ARHGAP11B: variants seen among roughly 807,000 people sequenced by gnomAD.
ARHGAP11B encodes inactive Rho GTPase-activating protein 11B.
ARHGAP11B carries 14 observed loss-of-function variants against 27.6 expected under a neutral mutation model. The observed-to-expected ratio is 0.51, with a 90% CI of 0.34 to 0.79. ARHGAP11B has a LOEUF of 0.79. ARHGAP11B is among the 30% of genes least tolerant of loss of function. ARHGAP11B has a pLI of 0.02. For synonymous variants in ARHGAP11B, 82 were observed against 114.1 expected (o/e 0.72, Z 1.80); for missense variants, 245 against 320.1 (o/e 0.77, Z 1.79).
At chr15:30,640,016 T>TG (rs2060306143) in intron 7 of ARHGAP11B, among the ~76,000 whole-genome samples, 1 of 131,244 alleles carries the variant, frequency 7.6e-6, no homozygotes, top group Admixed American at 7.5e-5. Flanking sequence ...GTGTGTGTTA[T>TG]GACAACATCT....
chr15:30,643,565 C>T (rs1030065882), intron 7 of ARHGAP11B, among the ~76,000 whole-genome samples: 5 of 152,052 alleles, frequency 3.3e-5, no homozygotes, highest in African/African-American at 9.7e-5. Context: ...GCGTGAGCCA[C>T]GGCACCTGGC....
rs999051860 is a variant in ARHGAP11B, at chr15:30,631,808, CAG to C, written c.200+1038_200+1039del. 1.4e-4 allele frequency among the ~76,000 whole-genome samples: 11 copies of C among 78,436 alleles called. No individual in the cohort carries two copies. In the South Asian group the frequency reaches 1.8e-3, roughly 13 times the overall value. The allele number at this position is 78,436 out of a possible 152,430, so 51.5% of individuals were successfully genotyped here. A position where few individuals can be genotyped will look rare whatever the true frequency, so the allele number is the denominator to read the frequency against. On this transcript the variant is annotated intron_variant, in intron 2 of 10. Coordinates refer to ENST00000428041, the Ensembl canonical transcript of ARHGAP11B. ...TGTTCTTTTTTTTTTTTTTTTGAGACAGAGTTTCGCTCTTGTCGCCCAGGCTG... is the reference window on the plus strand; with the variant it reads ...TGTTCTTTTTTTTTTTTTTTTGAGACAGTTTCGCTCTTGTCGCCCAGGCTG...
At chr15:30,634,766 C>T (rs1397153459) in intron 4 of ARHGAP11B, among the ~76,000 whole-genome samples, 1 of 151,118 alleles carries the variant, frequency 6.6e-6, no homozygotes, top group East Asian at 2.0e-4. Flanking sequence ...TTATTCTAGA[C>T]ATACTTGCTG....
chr15:30,629,683 A>G (rs2060232493), intron 1 of ARHGAP11B, among the ~76,000 whole-genome samples: 1 of 152,050 alleles, frequency 6.6e-6, no homozygotes, highest in Non-Finnish European at 1.5e-5. Context: ...GAATTAGTAA[A>G]ATTTTGTTAC....
At chr15:30,647,933 G>A (rs116882449) in intron 10 of ARHGAP11B, among the ~76,000 whole-genome samples, 4,209 of 151,902 alleles carry the variant, frequency 0.028, 105 homozygotes, top group Middle Eastern at 0.054. Context: ...GATTATCTAA[G>A]CTACTCCTGG....
intron 7 of ARHGAP11B, among the ~76,000 whole-genome samples, chr15:30,643,280 C>CTTT (rs796664136): frequency 7.5e-6 from 1 of 133,946 alleles, no homozygotes; most frequent in Non-Finnish European, 1.6e-5. Flanking sequence ...TGACAGTTTT[C>CTTT]TTTTTTTTTT....
chr15:30,647,614 G>A (rs1017123780), intron 9 of ARHGAP11B: 2 of 170,618 alleles, frequency 1.2e-5, no homozygotes, highest in African/African-American at 4.8e-5. Context: ...TCTGTGTTGT[G>A]TGAGTTAAAT....
chr15:30,633,050 A>G (rs2060255485), intron 2 of ARHGAP11B, among the ~76,000 whole-genome samples: 1 of 150,070 alleles, frequency 6.7e-6, no homozygotes, highest in African/African-American at 2.5e-5. Flanking sequence ...ATGGTGATAG[A>G]TCGAGCAATA....
chr15:30,642,386 A>G (rs1017178384), intron 7 of ARHGAP11B, among the ~76,000 whole-genome samples: 1 of 151,920 alleles, frequency 6.6e-6, no homozygotes, highest in African/African-American at 2.4e-5. Flanking sequence ...TGTACCAGTA[A>G]TTATTTGCAT....
Position 30,633,489 on chromosome 15 carries a change from G to C in ARHGAP11B, c.201-1G>C, listed in dbSNP as rs200454894. ...GCCACCTGAAAAAATCTCTCTTTCAGCTTTCTTGTCGATGCTTGCACATCT... is the reference window on the plus strand; with the variant it reads ...GCCACCTGAAAAAATCTCTCTTTCACCTTTCTTGTCGATGCTTGCACATCT... On this transcript the variant is annotated splice_acceptor_variant, in intron 2 of 10. Coordinates refer to ENST00000428041, the Ensembl canonical transcript of ARHGAP11B. LOFTEE classifies it high-confidence loss of function. The C allele has an allele frequency of 7.1e-5, 115 of 1,608,560 alleles. 2 individuals are homozygous for C. The East Asian group carries it at 7.8e-4, about 11-fold the overall frequency.
chr15:30,631,752 C>T (rs1247470063), intron 2 of ARHGAP11B, among the ~76,000 whole-genome samples: 4 of 151,702 alleles, frequency 2.6e-5, no homozygotes, highest in South Asian at 2.1e-4. Context: ...CTTAGCTTTT[C>T]TATGCCACTT....
chr15:30,644,710 C>G, intron 8 of ARHGAP11B: 1 of 1,548,522 alleles, frequency 6.5e-7, no homozygotes, highest in South Asian at 1.1e-5. Context: ...CAGGTAGGAT[C>G]ATAAAGGACT....
chr15:30,642,004 C>T (rs1034362694), intron 7 of ARHGAP11B, among the ~76,000 whole-genome samples: 10 of 152,040 alleles, frequency 6.6e-5, no homozygotes, highest in Non-Finnish European at 1.5e-5. Context: ...ACGTGAGCCA[C>T]GGTGCCTGGC....
intron 1 of ARHGAP11B, among the ~76,000 whole-genome samples, chr15:30,627,514 T>C (rs2060217645): frequency 6.6e-6 from 1 of 152,032 alleles, no homozygotes; most frequent in South Asian, 2.1e-4. Context: ...GCATATTCAC[T>C]AATTTGGGAA....
exon 11 of ARHGAP11B, among the ~76,000 whole-genome samples, chr15:30,648,356 G>T (rs1423410173): frequency 6.6e-6 from 1 of 151,986 alleles, no homozygotes; most frequent in African/African-American, 2.4e-5. Flanking sequence ...AAGGCTCTGG[G>T]TTCCTGTTGC....
chr15:30,639,513 T>G (rs533381517), intron 7 of ARHGAP11B, among the ~76,000 whole-genome samples: 22 of 151,956 alleles, frequency 1.4e-4, no homozygotes, highest in South Asian at 2.1e-4. Flanking sequence ...ATTTTTTGTT[T>G]AGCTCTAAGT....
chr15:30,636,086 A>G (rs1020057398), intron 6 of ARHGAP11B, among the ~76,000 whole-genome samples: 5 of 151,336 alleles, frequency 3.3e-5, no homozygotes, highest in African/African-American at 9.7e-5. Flanking sequence ...GGATGGTATT[A>G]TGGTAAACTT....
chr15:30,644,789 T>C (rs772244546), intron 8 of ARHGAP11B: 43 of 1,116,978 alleles, frequency 3.8e-5, no homozygotes, highest in Middle Eastern at 3.1e-4. Context: ...AATATTTGTA[T>C]GTGAATAACT....
intron 7 of ARHGAP11B, chr15:30,644,628 T>C (rs1304248644): frequency 6.4e-7 from 1 of 1,555,620 alleles, no homozygotes. Context: ...TTTTATTTTT[T>C]TTAACCACAG....
Sources: gnomAD v4.1 joint callset for allele counts (sites outside exome capture counted in the v4.1 genomes callset) on GRCh38, gnomAD v4.1.1 for gene constraint, MANE v1.5 for transcripts, NCBI Gene and HGNC (gene_info 2026-07-23, HGNC 2026-07-21) for gene names.